THADA: variants seen among roughly 807,000 people sequenced by gnomAD.
THADA encodes THADA armadillo repeat containing.
THADA carries 213 observed loss-of-function variants against 219.8 expected under a neutral mutation model. The observed-to-expected ratio is 0.97, with a 90% CI of 0.87 to 1.09. The LOEUF (loss-of-function observed/expected upper bound fraction) is 1.09. Among genes scored for constraint, THADA ranks in the 50% least tolerant of loss-of-function variants. THADA has a pLI of 0.00. For synonymous variants in THADA, 1,018 were observed against 828.9 expected, an observed-to-expected ratio of 1.23 and a Z score of -3.92; for missense variants, 2,956 against 2,311.3, an observed-to-expected ratio of 1.28 and a Z score of -5.72.
chr2:43,525,440 G>T (rs1407717545), intron 22 of THADA, among the ~76,000 whole-genome samples: 1 of 152,278 alleles, frequency 6.6e-6, no homozygotes, highest in African/African-American at 2.4e-5. Context: ...GACTTCCAAG[G>T]CTGGGTCAGA....
At chr2:43,566,318 G>A in intron 15 of THADA, 1 of 555,548 alleles carries the variant, frequency 1.8e-6, no homozygotes, top group Non-Finnish European at 3.2e-6. Context: ...TTTAACCACA[G>A]AGACTCACTG....
chr2:43,407,090 C>G (rs1189125536), intron 28 of THADA, among the ~76,000 whole-genome samples: 2 of 152,168 alleles, frequency 1.3e-5, no homozygotes, highest in African/African-American at 4.8e-5. Flanking sequence ...TCTGAGAAAT[C>G]AGTAACAGGC....
At chr2:43,279,634 T>A in intron 36 of THADA, 131 bp downstream of exon 36, 1 of 1,214,312 alleles carries the variant, frequency 8.2e-7, no homozygotes, top group Non-Finnish European at 1.1e-6. Context: ...GCTTTCCCAC[T>A]AAGATGGCAG....
chr2:43,234,775 C>A (rs1220270927), intron 36 of THADA, among the ~76,000 whole-genome samples: 2 of 149,032 alleles, frequency 1.3e-5, no homozygotes, highest in African/African-American at 5.0e-5. Context: ...TGCCTTAGCC[C>A]CCAAGTAGCT....
chr2:43,423,242 A>AT (rs977125827), intron 28 of THADA, among the ~76,000 whole-genome samples: 108 of 151,982 alleles, frequency 7.1e-4, no homozygotes, highest in South Asian at 1.9e-3. Context: ...GCTTGCCTTC[A>AT]TTTTTTTTAT....
Position 43,493,872 on chromosome 2 carries a change from T to C in THADA, c.3744+4961A>G, listed in dbSNP as rs1230967096. Among the ~76,000 whole-genome samples the C allele has an allele frequency of 2.0e-5, 3 of 152,220 alleles. No homozygotes were observed. The East Asian group carries it at 5.8e-4, about 29-fold the overall frequency. ...AGAACTATTACAATAGCTTCCTGAC[T>C]GGTCTTCTTCCTTCCCTCTTGCTAT... is the stretch of plus-strand genomic sequence containing the variant. On this transcript the variant is annotated intron_variant, in intron 25 of 37. Transcript: ENST00000405975.
chr2:43,484,637 T>C (rs1178611805), intron 26 of THADA, among the ~76,000 whole-genome samples: 1 of 152,116 alleles, frequency 6.6e-6, no homozygotes, highest in Non-Finnish European at 1.5e-5. Context: ...AAAATCAAAA[T>C]GGTTCCACAG....
chr2:43,403,197 C>G (rs1441124375), intron 28 of THADA, among the ~76,000 whole-genome samples: 2 of 152,164 alleles, frequency 1.3e-5, no homozygotes, highest in Non-Finnish European at 2.9e-5. Context: ...CTTTCTAAGA[C>G]TTTACAACGC....
intron 1 of THADA, among the ~76,000 whole-genome samples, chr2:43,595,224 C>A (rs1035773753): frequency 6.6e-6 from 1 of 152,214 alleles, no homozygotes; most frequent in African/African-American, 2.4e-5. Context: ...CATTCTACAT[C>A]TTAAGAACCT....
chr2:43,570,492 C>T lies in THADA; in HGVS notation c.2083G>A (p.Glu695Lys), dbSNP rs542005737. The change falls in exon 14 of 38, where the codon GAA becomes AAA. Residue 695 changes from glutamate to lysine, a missense_variant. Physicochemically the swap from Glu to Lys is moderately conservative, Grantham distance 56. Transcript: ENST00000405975. ...LLKKLFCRIQ[E>K]SSQVLYKLEQ... The stretch of plus-strand genomic sequence containing the variant: ...AATTTATAAAGTACCTGAGAACTTT[C>T]CTGTATCCTACAAAACAACTTTTGA... 4 of 1,609,444 alleles carry T rather than the reference C, an allele frequency of 2.5e-6. No homozygotes were observed. The highest frequency in any genetic ancestry group is 1.3e-5 in the African/African-American group (1 of 74,808).
At chr2:43,232,588 C>T in intron 37 of THADA, 125 bp downstream of exon 37, 1 of 1,091,216 alleles carries the variant, frequency 9.2e-7, no homozygotes. Context: ...CAGTGGGTGA[C>T]TTTCCTAGTG....
At chr2:43,383,906 G>C (rs566712582) in intron 29 of THADA, among the ~76,000 whole-genome samples, 70 of 151,760 alleles carry the variant, frequency 4.6e-4, no homozygotes, top group Admixed American at 2.2e-3. Flanking sequence ...ATAAATTCTT[G>C]GGCAGACTTT....
intron 26 of THADA, among the ~76,000 whole-genome samples, chr2:43,483,385 T>C (rs1047418630): frequency 1.3e-5 from 2 of 152,182 alleles, no homozygotes; most frequent in Non-Finnish European, 2.9e-5. Context: ...ACTGCAAATT[T>C]AAGACACTAA....
intron 25 of THADA, among the ~76,000 whole-genome samples, chr2:43,494,467 A>C (rs1039968293): frequency 7.9e-5 from 12 of 152,218 alleles, no homozygotes; most frequent in African/African-American, 2.9e-4. Context: ...CCTTCTTTGT[A>C]TTCTTAAAAT....
At chr2:43,553,049 G>A (rs1696936461) in intron 17 of THADA, among the ~76,000 whole-genome samples, 1 of 152,140 alleles carries the variant, frequency 6.6e-6, no homozygotes, top group South Asian at 2.1e-4. Flanking sequence ...GTTCATCCAT[G>A]CTGCAGCATG....
intron 31 of THADA, among the ~76,000 whole-genome samples, chr2:43,299,215 C>T (rs950835730): frequency 6.6e-6 from 1 of 150,674 alleles, no homozygotes; most frequent in Non-Finnish European, 1.5e-5. Context: ...AAATCTGAAA[C>T]ATGTTTGGTC....
chr2:43,508,702 A>C lies in THADA; in HGVS notation c.3453T>G (p.Pro1151=), dbSNP rs761116003. The C allele has an allele frequency of 6.2e-7, 1 of 1,613,758 alleles. No homozygotes were observed. Among genetic ancestry groups the C allele is most frequent in the Non-Finnish European group, 8.5e-7 (1 of 1,179,728 alleles). ...GCCTTGTAGCACAGAGTTTAGATGA[A>C]GGATCACTGCATTTAATTTCCTCTA... ...SVLEEIKCSD[P]SSKLCATRRS... is the part of the protein sequence containing the mutation. Residue 1151 remains proline, a synonymous_variant, in exon 23 of 38, where the codon CCT becomes CCG. Coordinates refer to ENST00000405975, the MANE Select transcript of THADA (RefSeq NM_022065.5).
At chr2:43,462,458 G>T (rs541674912) in intron 26 of THADA, among the ~76,000 whole-genome samples, 1 of 152,162 alleles carries the variant, frequency 6.6e-6, no homozygotes, top group Admixed American at 6.5e-5. Context: ...AAAAAAACAG[G>T]GGAGGCTACC....
At chr2:43,459,992 T>C (rs1303547532) in intron 26 of THADA, among the ~76,000 whole-genome samples, 1 of 152,002 alleles carries the variant, frequency 6.6e-6, no homozygotes, top group Non-Finnish European at 1.5e-5. Flanking sequence ...ACACATAAAA[T>C]TAAAAGAAAG....
Sources: allele counts gnomAD v4.1 joint callset (sites outside exome capture counted in the v4.1 genomes callset), GRCh38; gene constraint gnomAD v4.1.1; transcripts MANE v1.5; gene names NCBI Gene and HGNC (gene_info 2026-07-23, HGNC 2026-07-21).